POLR2C: variants seen among roughly 807,000 people sequenced by gnomAD.
POLR2C encodes RNA polymerase II subunit C.
In POLR2C, 36 loss-of-function variants were observed where a neutral mutation model predicts 41.7. The ratio of observed to expected loss-of-function variants is 0.86; its 90% CI spans 0.66 to 1.14. The LOEUF (loss-of-function observed/expected upper bound fraction) is 1.14, where lower values mean the gene tolerates loss of function less well. Among genes scored for constraint, POLR2C ranks in the 50% most tolerant of loss-of-function variants. The pLI, the probability that POLR2C is intolerant of heterozygous loss-of-function variation, is 0.00. For missense variants in POLR2C, 260 were observed against 350.4 expected (o/e 0.74, Z 2.06); for synonymous variants, 133 against 137.8 (o/e 0.96, Z 0.25).
chr16:57,466,262 G>A, intron 4 of POLR2C, 35 bp downstream of exon 4: 1 of 1,440,916 alleles, frequency 6.9e-7, no homozygotes, highest in Non-Finnish European at 9.5e-7. Flanking sequence ...GTGAGGTTTG[G>A]TGGGGAGGCT....
At chr16:57,463,005 G>T (rs1216141659) in intron 1 of POLR2C, 24 bp from the exon 2 acceptor site, 1 of 1,608,632 alleles carries the variant, frequency 6.2e-7, no homozygotes, top group South Asian at 1.1e-5. Context: ...GCGCCTTCAC[G>T]CCCCTTGGCT....
At chr16:57,467,385 T>C (rs72788056) in intron 4 of POLR2C, among the ~76,000 whole-genome samples, 6,433 of 152,330 alleles carry the variant, frequency 0.042, 185 homozygotes, top group Middle Eastern at 0.085. Context: ...AACATAGATA[T>C]TGGTGGGGAC....
Position 57,469,053 on chromosome 16 carries a change from C to G in POLR2C, c.259-112C>G. The G allele has an allele frequency of 9.5e-7, 1 of 1,049,304 alleles. No individual in the cohort carries two copies. Among genetic ancestry groups the G allele is most frequent in the South Asian group, 1.5e-5 (1 of 66,134 alleles). 65.0% of individuals were successfully genotyped at this position (1,049,304 alleles called of 1,614,324 possible). On this transcript the variant is annotated intron_variant, in intron 4 of 8. Transcript: ENST00000219252. The surrounding 1 kb of genome is among the most constrained non-coding windows in gnomAD (Gnocchi z 5.8). ...CTGGATACTGATGAACCCCTTTTTACAGGTGAAGAAACTTAAGGAACTGGG... is the reference window on the plus strand; with the variant it reads ...CTGGATACTGATGAACCCCTTTTTAGAGGTGAAGAAACTTAAGGAACTGGG...
Position 57,471,415 on chromosome 16 carries a change from G to C in POLR2C, c.*296G>C, listed in dbSNP as rs575971365. ...CAGTGCACCTGTAGGGAACCAACTAGACTTCTCTCCTGGTTAGTCCAGCTC... is the reference window on the plus strand; with the variant it reads ...CAGTGCACCTGTAGGGAACCAACTACACTTCTCTCCTGGTTAGTCCAGCTC... On this transcript the variant is annotated 3_prime_UTR_variant, in exon 9 of 9. Coordinates refer to ENST00000219252, the MANE Select transcript of POLR2C (RefSeq NM_032940.3). 1 of 351,412 alleles carries C rather than the reference G, an allele frequency of 2.8e-6. No individual in the cohort carries two copies. The highest frequency in any genetic ancestry group is 4.3e-5 in the South Asian group (1 of 23,434). 21.8% of individuals were successfully genotyped at this position (351,412 alleles called of 1,614,324 possible).
rs2030786429 is a variant in POLR2C at position 57,469,871 on chromosome 16, A to C, written c.440-90A>C. ...AATTGGCTTTAGACCGTTTTTCCAG[A>C]TGTGTGTGGTCTTGCAGTGGCACTC... On this transcript the variant is annotated intron_variant, in intron 6 of 8. Transcript: ENST00000219252. This position sits in a 1 kb window ranked among gnomAD's most constrained non-coding sequence, Gnocchi z 5.8. The C allele has an allele frequency of 6.3e-7, 1 of 1,577,576 alleles. No homozygotes were observed. The highest frequency in any genetic ancestry group is 1.1e-5 in the South Asian group (1 of 90,372).
intron 2 of POLR2C, 65 bp from the exon 3 acceptor site, chr16:57,465,888 C>G: frequency 1.0e-6 from 1 of 977,624 alleles, no homozygotes; most frequent in South Asian, 1.3e-5. Context: ...TCTTGAGAAC[C>G]ACTGCATTAA....
chr16:57,468,004 A>G (rs915788897), intron 4 of POLR2C, among the ~76,000 whole-genome samples: 3 of 151,378 alleles, frequency 2.0e-5, no homozygotes, highest in African/African-American at 7.3e-5. Context: ...CTCCCATTTC[A>G]TATTTCTTTA....
chr16:57,463,072 A>G lies in POLR2C; in HGVS notation c.130A>G (p.Ile44Val). Residue 44 changes from isoleucine to valine, a missense_variant, in exon 2 of 9, where the codon ATA becomes GTA. Physicochemically the swap from Ile to Val is conservative, Grantham distance 29. Coordinates refer to ENST00000219252, the MANE Select transcript of POLR2C (RefSeq NM_032940.3). ...GAGGGTCTTCATCGCTGAGGTTCCC[A>G]TAATAGGTAAGCGACTCCCCTTCCT... ...IRRVFIAEVP[I>V]IAIDWVQIDA... 17 of 1,612,258 alleles carry G rather than the reference A, an allele frequency of 1.1e-5. No homozygotes were observed. Among genetic ancestry groups the G allele is most frequent in the Admixed American group, 1.7e-5 (1 of 60,022 alleles).
Position 57,465,949 on chromosome 16 carries a change from T to G in POLR2C, c.137-4T>G, listed in dbSNP as rs773016119. 7 of 1,580,736 alleles carry G rather than the reference T, an allele frequency of 4.4e-6. No individual in the cohort carries two copies. In the East Asian group the frequency reaches 1.3e-4, roughly 30 times the overall value. On this transcript the variant is annotated splice_region_variant and splice_polypyrimidine_tract_variant and intron_variant, in intron 2 of 8. Coordinates refer to ENST00000219252, the MANE Select transcript of POLR2C (RefSeq NM_032940.3). ...ACTCCATGTCTGCTTCTTTCATTTT[T>G]TAGCCATTGACTGGGTTCAGATTGA...
At chr16:57,468,818 T>C (rs117099443) in intron 4 of POLR2C, among the ~76,000 whole-genome samples, 143 of 152,282 alleles carry the variant, frequency 9.4e-4, no homozygotes, top group Middle Eastern at 3.4e-3. Context: ...CTATAGAGTG[T>C]GAAAGCATTC....
intron 2 of POLR2C, chr16:57,463,484 A>G: frequency 2.8e-6 from 1 of 355,216 alleles, no homozygotes; most frequent in Non-Finnish European, 5.5e-6. Flanking sequence ...TGATCCTTTC[A>G]CCCAGGTAGT....
In POLR2C at chr16:57,466,238, T is replaced by C. The variant is rs746944250; in HGVS notation, c.258+11T>C. On this transcript the variant is annotated intron_variant, in intron 4 of 8. Transcript: ENST00000219252. Reference sequence around the variant, plus strand: ...CTGCAGTACTCTCGGGTATGTTGTGTGATTGGGTGGAATGTGAGGTTTGGT... The same window carrying C: ...CTGCAGTACTCTCGGGTATGTTGTGCGATTGGGTGGAATGTGAGGTTTGGT... The C allele has an allele frequency of 6.4e-7, 1 of 1,559,262 alleles. No homozygotes were observed. Among genetic ancestry groups the C allele is most frequent in the Non-Finnish European group, 8.7e-7 (1 of 1,149,850 alleles).
intron 4 of POLR2C, 144 bp downstream of exon 4, chr16:57,466,371 A>C (rs755956856): frequency 3.1e-5 from 21 of 679,488 alleles, no homozygotes; most frequent in Middle Eastern, 3.3e-4. Flanking sequence ...GAGCCTGGGC[A>C]GGCCTTGGTC....
chr16:57,465,795 T>C (rs1215999495), intron 2 of POLR2C, 158 bp from the exon 3 acceptor site: 1 of 628,324 alleles, frequency 1.6e-6, no homozygotes, highest in South Asian at 1.9e-5. Flanking sequence ...GTGGGTCTTA[T>C]TAAAATGCAA....
chr16:57,463,488 A>G (rs2030630885), intron 2 of POLR2C: 1 of 359,262 alleles, frequency 2.8e-6, no homozygotes, highest in Non-Finnish European at 5.5e-6. Context: ...CCTTTCACCC[A>G]GGTAGTGAGC....
Position 57,469,320 on chromosome 16 carries a change from C to G in POLR2C, c.387+27C>G. The G allele has an allele frequency of 6.2e-7, 1 of 1,613,498 alleles. No homozygotes were observed. Among genetic ancestry groups the G allele is most frequent in the South Asian group, 1.1e-5 (1 of 91,062 alleles). On this transcript the variant is annotated intron_variant, in intron 5 of 8. Transcript: ENST00000219252. This position sits in a 1 kb window ranked among gnomAD's most constrained non-coding sequence, Gnocchi z 5.8. ...TCAGTGCGGGAGAGCATCCTCTTTT[C>G]CCTGGGATCTTTTCTCTTCTCTGGC...
At position 57,471,524 on chromosome 16, in the gene POLR2C, C is replaced by T. The variant is rs1431169348; in HGVS notation, c.*405C>T. On this transcript the variant is annotated 3_prime_UTR_variant, in exon 9 of 9. Coordinates refer to ENST00000219252, the MANE Select transcript of POLR2C (RefSeq NM_032940.3). ...GGTGTTGAGGATCAAGTGCCATAGC[C>T]TTTATTCAGGGGGCCTATAAACCCT... 1 of 163,426 alleles carries T rather than the reference C, an allele frequency of 6.1e-6. No individual in the cohort carries two copies. Among genetic ancestry groups the T allele is most frequent in the Non-Finnish European group, 1.3e-5 (1 of 75,000 alleles). 10.1% of individuals were successfully genotyped at this position (163,426 alleles called of 1,614,324 possible). A position where few individuals can be genotyped will look rare whatever the true frequency, so the allele number is the denominator to read the frequency against.
chr16:57,468,513 T>C (rs1190617794), intron 4 of POLR2C, among the ~76,000 whole-genome samples: 1 of 152,234 alleles, frequency 6.6e-6, no homozygotes, highest in Non-Finnish European at 1.5e-5. Flanking sequence ...TCCTAGTAAC[T>C]GTCTTCTTGC....
intron 2 of POLR2C, 86 bp from the exon 3 acceptor site, chr16:57,465,867 T>G (rs1598043237): frequency 4.7e-6 from 4 of 856,550 alleles, no homozygotes; most frequent in African/African-American, 3.3e-5. Context: ...TAGTGTCAGG[T>G]GATTCCTAAA....
Sources: gnomAD v4.1 joint callset for allele counts (sites outside exome capture counted in the v4.1 genomes callset) on GRCh38, gnomAD v4.1.1 for gene constraint, Gnocchi (gnomAD v3.1) non-coding constraint, MANE v1.5 for transcripts, NCBI Gene and HGNC (gene_info 2026-07-23, HGNC 2026-07-21) for gene names.